WRN: variants seen among roughly 807,000 people sequenced by gnomAD.
WRN encodes the protein bifunctional 3'-5' exonuclease/ATP-dependent helicase WRN.
A neutral mutation model predicts 180.7 loss-of-function variants in WRN; 149 were observed. That is an observed-to-expected ratio of 0.82 (90% CI 0.72 to 0.94). WRN has a LOEUF of 0.94. WRN is among the 40% of genes least tolerant of loss of function. The pLI, the probability that WRN is intolerant of heterozygous loss-of-function variation, is 0.00. For missense variants in WRN, 1,661 were observed against 1,700.1 expected, an observed-to-expected ratio of 0.98 and a Z score of 0.40; for synonymous variants, 548 against 568.9, an observed-to-expected ratio of 0.96 and a Z score of 0.52.
intron 9 of WRN, among the ~76,000 whole-genome samples, chr8:31,082,023 A>C (rs1166699158): frequency 6.6e-6 from 1 of 152,150 alleles, no homozygotes; most frequent in African/African-American, 2.4e-5. Context: ...GGCCTCCCAA[A>C]GTGTTGGAAT....
chr8:31,169,540 A>G (rs1804026369), intron 34 of WRN, among the ~76,000 whole-genome samples: 2 of 152,058 alleles, frequency 1.3e-5, no homozygotes, highest in African/African-American at 2.4e-5. Context: ...CTACAGTTTT[A>G]TTCTGTACCT....
intron 12 of WRN, 46 bp downstream of exon 12, chr8:31,087,966 C>T (rs1255797760): frequency 2.5e-6 from 4 of 1,595,338 alleles, no homozygotes; most frequent in African/African-American, 2.7e-5. Context: ...TGATACCTAC[C>T]ACTGACTTTA....
chr8:31,092,049 G>T (rs1190291955), intron 16 of WRN, 151 bp downstream of exon 16: 2 of 694,746 alleles, frequency 2.9e-6, no homozygotes, highest in Admixed American at 2.8e-5. Flanking sequence ...GTATATGAGA[G>T]AATTTTGTAT....
chr8:31,156,947 T>C (rs1803407851), intron 32 of WRN, among the ~76,000 whole-genome samples: 1 of 152,232 alleles, frequency 6.6e-6, no homozygotes, highest in Non-Finnish European at 1.5e-5. Flanking sequence ...TTAGGATTTG[T>C]CTTCTTGGAA....
chr8:31,052,903 A>G (rs916446946), intron 1 of WRN, among the ~76,000 whole-genome samples: 1 of 152,018 alleles, frequency 6.6e-6, no homozygotes, highest in Non-Finnish European at 1.5e-5. Flanking sequence ...TGAGGCTGCT[A>G]TTTTTTTCCT....
In WRN at chr8:31,150,325, T is replaced by C. The variant is rs2130453675; in HGVS notation, c.3573-16T>C. 6.3e-7 allele frequency: 1 copy of C among 1,596,292 alleles called. No individual in the cohort carries two copies. The highest frequency in any genetic ancestry group is 1.3e-5 in the African/African-American group (1 of 74,674). ...CTTGACCTTTTTGTTGTTGTTGTTG[T>C]TGTTGTTAAACACAGACCAACTACG... is the stretch of plus-strand genomic sequence containing the variant. On this transcript the variant is annotated splice_polypyrimidine_tract_variant and intron_variant, in intron 30 of 34. Coordinates refer to ENST00000298139, the MANE Select transcript of WRN (RefSeq NM_000553.6).
intron 18 of WRN, among the ~76,000 whole-genome samples, chr8:31,102,619 A>C (rs1290079345): frequency 6.6e-6 from 1 of 152,220 alleles, no homozygotes; most frequent in African/African-American, 2.4e-5. Flanking sequence ...AGACACAGTA[A>C]AAATACAGTA....
chr8:31,171,545 C>T (rs1037348977), intron 34 of WRN: 1 of 152,082 alleles, frequency 6.6e-6, no homozygotes, highest in East Asian at 1.9e-4. Context: ...AAGTCTCATC[C>T]GTTCTTTTGA....
intron 8 of WRN, among the ~76,000 whole-genome samples, chr8:31,078,362 T>A (rs957094443): frequency 3.3e-5 from 5 of 152,176 alleles, no homozygotes; most frequent in African/African-American, 9.7e-5. Flanking sequence ...AAAAGACCTC[T>A]GAGCAGTCAA....
At chr8:31,125,379 T>C (rs535256221) in intron 23 of WRN, among the ~76,000 whole-genome samples, 13 of 150,682 alleles carry the variant, frequency 8.6e-5, no homozygotes, top group South Asian at 4.2e-4. Context: ...AAAACATTAA[T>C]CAAAAGGAAG....
chr8:31,115,006 C>T (rs1418307642), intron 19 of WRN, among the ~76,000 whole-genome samples: 1 of 151,634 alleles, frequency 6.6e-6, no homozygotes, highest in Admixed American at 6.6e-5. Flanking sequence ...AGCGATTCTC[C>T]TGCCTCAGCC....
At chr8:31,096,149 T>G (rs1300318854) in intron 16 of WRN, among the ~76,000 whole-genome samples, 1 of 152,232 alleles carries the variant, frequency 6.6e-6, no homozygotes, top group Non-Finnish European at 1.5e-5. Flanking sequence ...GCATATCTGT[T>G]TTGTTCCTAT....
intron 7 of WRN, among the ~76,000 whole-genome samples, chr8:31,074,738 G>A (rs1015319372): frequency 6.6e-6 from 1 of 152,128 alleles, no homozygotes; most frequent in African/African-American, 2.4e-5. Flanking sequence ...ATGGAGGGAG[G>A]GAAGAGCAAA....
intron 7 of WRN, among the ~76,000 whole-genome samples, chr8:31,069,274 G>A (rs1272730408): frequency 6.6e-6 from 1 of 152,128 alleles, no homozygotes; most frequent in Non-Finnish European, 1.5e-5. Flanking sequence ...TCTGTGGGTG[G>A]CAGGCCCTCC....
chr8:31,135,339 G>A (rs1315425074), intron 24 of WRN, among the ~76,000 whole-genome samples: 1 of 152,228 alleles, frequency 6.6e-6, no homozygotes, highest in East Asian at 1.9e-4. Flanking sequence ...GAGAGTCACT[G>A]TGCCAGGCTG....
At chr8:31,093,791 T>C (rs1813851623) in intron 16 of WRN, among the ~76,000 whole-genome samples, 1 of 152,198 alleles carries the variant, frequency 6.6e-6, no homozygotes, top group Non-Finnish European at 1.5e-5. Flanking sequence ...ACTGCTGAGC[T>C]CCTTCCTGTT....
intron 20 of WRN, chr8:31,119,964 T>C: frequency 2.7e-6 from 1 of 374,252 alleles, no homozygotes; most frequent in Admixed American, 4.2e-5. Flanking sequence ...ACAATAAATA[T>C]TTTGAACCCC....
At chr8:31,157,251 A>T in intron 32 of WRN, 117 bp from the exon 33 acceptor site, 1 of 1,407,210 alleles carries the variant, frequency 7.1e-7, no homozygotes, top group Non-Finnish European at 9.8e-7. Context: ...GTAAAGGTTT[A>T]GTTCATTGTT....
chr8:31,122,032 A>C (rs73670458), intron 21 of WRN, among the ~76,000 whole-genome samples: 1 of 151,892 alleles, frequency 6.6e-6, no homozygotes, highest in East Asian at 1.9e-4. Context: ...CCAGTTTTAT[A>C]TTGTGCATTT....
Sources: gnomAD v4.1 joint callset for allele counts (sites outside exome capture counted in the v4.1 genomes callset) on GRCh38, gnomAD v4.1.1 for gene constraint, MANE v1.5 for transcripts, NCBI Gene and HGNC (gene_info 2026-07-23, HGNC 2026-07-21) for gene names.